Variants in TRPM3 observed in about 807,000 individuals in gnomAD.
TRPM3 encodes the protein long transient receptor potential channel 3.
Under a neutral mutation model 181.2 loss-of-function variants are expected in TRPM3, and 77 were observed. The observed-to-expected ratio is 0.42, with a 90% confidence interval of 0.35 to 0.51. The LOEUF is 0.51. TRPM3 is among the 20% of genes least tolerant of loss of function. The pLI, the probability that TRPM3 is intolerant of heterozygous loss-of-function variation, is 0.01. For synonymous variants in TRPM3, 745 were observed against 796.4 expected, an observed-to-expected ratio of 0.94 and a Z score of 1.09; for missense variants, 1,759 against 2,196.7, an observed-to-expected ratio of 0.80 and a Z score of 3.98.
At chr9:71,356,703 AG>A (rs1173666526) in intron 1 of TRPM3, among the ~76,000 whole-genome samples, 13 of 152,154 alleles carry the variant, frequency 8.5e-5, no homozygotes, top group African/African-American at 3.1e-4. Context: ...TATTGTGAAG[AG>A]AACTTTTTGA....
intron 1 of TRPM3, among the ~76,000 whole-genome samples, chr9:71,406,046 C>T (rs142007665): frequency 0.01 from 1,573 of 152,234 alleles, 37 homozygotes; most frequent in African/African-American, 0.036. Flanking sequence ...GAGGCCAAGG[C>T]AGGCAGATCA....
chr9:71,270,152 C>T (rs1054166105), intron 1 of TRPM3, among the ~76,000 whole-genome samples: 154 of 152,292 alleles, frequency 1.0e-3, no homozygotes, highest in Admixed American at 5.7e-3. Flanking sequence ...GATTTCAAGA[C>T]CAGCCTGGCC....
intron 12 of TRPM3, among the ~76,000 whole-genome samples, chr9:70,632,201 T>A (rs2065979726): frequency 6.6e-6 from 1 of 152,200 alleles, no homozygotes; most frequent in Admixed American, 6.5e-5. Flanking sequence ...AGCCTTTGAT[T>A]ATCCTATTGG....
At chr9:71,321,207 A>AT (rs2089190433) in intron 1 of TRPM3, among the ~76,000 whole-genome samples, 1 of 152,194 alleles carries the variant, frequency 6.6e-6, no homozygotes, top group South Asian at 2.1e-4. Flanking sequence ...AAATTCAATC[A>AT]TTTTTAAAAT....
chr9:71,023,110 C>G (rs776836130), intron 1 of TRPM3, among the ~76,000 whole-genome samples: 29 of 152,068 alleles, frequency 1.9e-4, no homozygotes, highest in South Asian at 4.1e-4. Flanking sequence ...ATAACTGTTA[C>G]TGAGAATACA....
intron 12 of TRPM3, among the ~76,000 whole-genome samples, chr9:70,632,186 T>C (rs1413334918): frequency 3.3e-5 from 5 of 152,210 alleles, no homozygotes; most frequent in Non-Finnish European, 7.3e-5. Context: ...TAACTCTAGT[T>C]TTGTAGCCTT....
intron 22 of TRPM3, among the ~76,000 whole-genome samples, chr9:70,555,100 T>C (rs1398879436): frequency 6.6e-6 from 1 of 152,152 alleles, no homozygotes; most frequent in Non-Finnish European, 1.5e-5. Flanking sequence ...TTTCCTGCAG[T>C]TCCTAGAAAT....
chr9:71,189,294 A>G (rs117254134), intron 1 of TRPM3, among the ~76,000 whole-genome samples: 1 of 151,970 alleles, frequency 6.6e-6, no homozygotes, highest in East Asian at 1.9e-4. Flanking sequence ...TTAATCAACA[A>G]TATATTCAGC....
chr9:71,299,785 T>C (rs2086613045), intron 1 of TRPM3, among the ~76,000 whole-genome samples: 1 of 152,084 alleles, frequency 6.6e-6, no homozygotes, highest in South Asian at 2.1e-4. Context: ...TTGTGCACAT[T>C]TATAAAGAAA....
At chr9:71,267,578 C>CT (rs34024593) in intron 1 of TRPM3, among the ~76,000 whole-genome samples, 84,842 of 152,020 alleles carry the variant, frequency 0.56, 23,905 homozygotes, top group African/African-American at 0.64. Flanking sequence ...CTACTTATCT[C>CT]TGTCACTCCT....
chr9:70,621,305 A>C, intron 14 of TRPM3, 32 bp from the exon 15 acceptor site: 1 of 1,574,576 alleles, frequency 6.4e-7, no homozygotes, highest in South Asian at 1.1e-5. Flanking sequence ...ACAAAGTTAG[A>C]TCAGTTAGAT....
intron 1 of TRPM3, among the ~76,000 whole-genome samples, chr9:71,404,712 T>A (rs553510328): frequency 2.0e-5 from 3 of 152,170 alleles, no homozygotes; most frequent in Non-Finnish European, 4.4e-5. Context: ...TGGCTCCCCA[T>A]TGCATAGAGA....
At chr9:71,437,798 GC>G (rs2094066622) in intron 1 of TRPM3, among the ~76,000 whole-genome samples, 1 of 151,414 alleles carries the variant, frequency 6.6e-6, no homozygotes, top group Non-Finnish European at 1.5e-5. Flanking sequence ...AACCCAGGGG[GC>G]GGGGGTTGCA....
At chr9:71,035,236 T>TA (rs1010639348) in intron 1 of TRPM3, among the ~76,000 whole-genome samples, 79 of 152,252 alleles carry the variant, frequency 5.2e-4, no homozygotes, top group African/African-American at 1.8e-3. Flanking sequence ...TTTAGATTGT[T>TA]AAAAAAGAGA....
intron 1 of TRPM3, among the ~76,000 whole-genome samples, chr9:71,087,760 A>G (rs988297642): frequency 6.6e-6 from 1 of 152,148 alleles, no homozygotes; most frequent in African/African-American, 2.4e-5. Context: ...GCATGTTTAG[A>G]CCAACTCTAC....
rs577615011 is a variant in TRPM3 at position 70,665,584 on chromosome 9, G to A, written c.1345+15922C>T. On this transcript the variant is annotated intron_variant, in intron 9 of 25. Coordinates refer to ENST00000677713, the MANE Select transcript of TRPM3 (RefSeq NM_001366145.2). ...TACTTCGCAGGTGTCCCATGAACGT[G>A]TTAACAGAGAACTTCATGAGTGTGT... Among the ~76,000 whole-genome samples the A allele has an allele frequency of 3.9e-5, 6 of 152,302 alleles. No homozygotes were observed. In the East Asian group the frequency reaches 1.2e-3, roughly 29 times the overall value.
intron 1 of TRPM3, among the ~76,000 whole-genome samples, chr9:71,445,659 CAG>C (rs2094193852): frequency 6.6e-6 from 1 of 152,212 alleles, no homozygotes; most frequent in Admixed American, 6.5e-5. Flanking sequence ...TTCCCAAAAA[CAG>C]AGCAGGGTAA....
chr9:71,232,398 G>C (rs2081106086), intron 1 of TRPM3, among the ~76,000 whole-genome samples: 1 of 149,432 alleles, frequency 6.7e-6, no homozygotes, highest in South Asian at 2.1e-4. Flanking sequence ...TCTAATTTCT[G>C]ATCTATTCAC....
rs1226705955 is a variant in TRPM3, at chr9:71,436,284, TTTTTTTTTTCTTTC to T, written c.183+10355_183+10368del. ...AACTGTAGGTCCGATTAAACCTCTC[TTTTTTTTTTCTTTC>T]TTTTTTTTTTTTTTTTTTTTTTGAG... On this transcript the variant is annotated intron_variant, in intron 1 of 24. Transcript: ENST00000357533. Among the ~76,000 whole-genome samples the T allele has an allele frequency of 2.1e-3, 176 of 83,052 alleles. 6 individuals carry two copies. In the South Asian group the frequency reaches 0.084, roughly 40 times the overall value. 54.5% of individuals were successfully genotyped at this position (83,052 alleles called of 152,430 possible). A position where few individuals can be genotyped will look rare whatever the true frequency, so the allele number is the denominator to read the frequency against.
Sources: allele counts gnomAD v4.1 joint callset (sites outside exome capture counted in the v4.1 genomes callset), GRCh38; gene constraint gnomAD v4.1.1; transcripts MANE v1.5; gene names NCBI Gene and HGNC (gene_info 2026-07-23, HGNC 2026-07-21).